The following TMEM170B variants were observed in gnomAD, a reference collection of about 807,000 sequenced individuals.
TMEM170B encodes the protein transmembrane protein 170B.
A neutral mutation model predicts 13.0 loss-of-function variants in TMEM170B; 6 were observed. The observed-to-expected ratio is 0.46, with a 90% confidence interval of 0.25 to 0.91. TMEM170B has a LOEUF of 0.91. Ranked by LOEUF, TMEM170B falls within the 40% of genes least tolerant of loss-of-function variation. The pLI is 0.17. For missense variants in TMEM170B, 138 were observed against 165.2 expected (o/e 0.84, Z 0.90); for synonymous variants, 61 against 64.9 (o/e 0.94, Z 0.29).
Position 11,538,370 on chromosome 6 carries a change from C to T in TMEM170B, c.93C>T (p.Leu31=), listed in dbSNP as rs755677185. The T allele has an allele frequency of 7.3e-6, 11 of 1,511,892 alleles. No individual in the cohort carries two copies. The South Asian group carries it at 1.4e-4, about 19-fold the overall frequency. The allele number at this position is 1,511,892 out of a possible 1,614,324, so 93.7% of individuals were successfully genotyped here. A position where few individuals can be genotyped will look rare whatever the true frequency, so the allele number is the denominator to read the frequency against. The change falls in exon 1 of 3, where the codon CTC becomes CTT. Residue 31 remains leucine, a synonymous_variant. Coordinates refer to ENST00000379426, the MANE Select transcript of TMEM170B (RefSeq NM_001100829.3). The part of the protein sequence containing the change: ...LWAHGTVLRN[L]TEMWYWIFLW... ...CCCACGGGACGGTGCTGAGGAACCTCACGGGTAATTGACGCGCCTGGGCTG... is the reference window on the plus strand; with the variant it reads ...CCCACGGGACGGTGCTGAGGAACCTTACGGGTAATTGACGCGCCTGGGCTG...
chr6:11,538,029 C>T lies in TMEM170B; in HGVS notation c.-249C>T, dbSNP rs1759303025. ...GCGAGGACGGCGCCCGGCCCCCTCC[C>T]CTCCTTCCTCCGTCCGCCGTCCTCA... On this transcript the variant is annotated 5_prime_UTR_variant, in exon 1 of 3. Transcript: ENST00000379426. 6.6e-6 allele frequency among the ~76,000 whole-genome samples: 1 copy of T among 151,190 alleles called. No homozygotes were observed. Among genetic ancestry groups the T allele is most frequent in the South Asian group, 2.1e-4 (1 of 4,822 alleles).
intron 1 of TMEM170B, among the ~76,000 whole-genome samples, chr6:11,538,625 A>C (rs1348381957): frequency 6.6e-6 from 1 of 151,996 alleles, no homozygotes; most frequent in African/African-American, 2.4e-5. Context: ...GCACGGGGAG[A>C]GCTCCCGGTG....
At chr6:11,553,852 C>A (rs895645624) in intron 1 of TMEM170B, among the ~76,000 whole-genome samples, 1 of 152,170 alleles carries the variant, frequency 6.6e-6, no homozygotes, top group African/African-American at 2.4e-5. Flanking sequence ...ACACCTCTGA[C>A]CTCTTAGACT....
intron 1 of TMEM170B, among the ~76,000 whole-genome samples, chr6:11,548,318 A>T (rs56132761): frequency 0.058 from 8,807 of 152,274 alleles, 273 homozygotes; most frequent in East Asian, 0.16. Context: ...AACAGACACA[A>T]GAAAAAATGC....
At position 11,538,959 on chromosome 6, in the gene TMEM170B, C is replaced by T. The variant is rs1029584429; in HGVS notation, c.97+585C>T. On this transcript the variant is annotated intron_variant, in intron 1 of 2. Coordinates refer to ENST00000379426, the MANE Select transcript of TMEM170B (RefSeq NM_001100829.3). ...CGTGTTAGCTTCATATATCTCCTTC[C>T]CCTCCCATTTCCTTTTGTCTGTCTG... 3.3e-5 allele frequency among the ~76,000 whole-genome samples: 5 copies of T among 152,152 alleles called. No individual in the cohort carries two copies. The South Asian group carries it at 8.3e-4, about 25-fold the overall frequency.
intron 1 of TMEM170B, among the ~76,000 whole-genome samples, chr6:11,548,245 C>A (rs1276254490): frequency 1.3e-5 from 2 of 152,020 alleles, no homozygotes; most frequent in African/African-American, 2.4e-5. Context: ...AAGAAAAAAA[C>A]CCATCAAAAA....
At chr6:11,568,961 A>G (rs1448912456) in intron 2 of TMEM170B, among the ~76,000 whole-genome samples, 6 of 152,170 alleles carry the variant, frequency 3.9e-5, no homozygotes, top group Non-Finnish European at 8.8e-5. Context: ...ACTGGTTTCT[A>G]TATAATGTCT....
At chr6:11,556,453 C>G (rs2113771266) in intron 1 of TMEM170B, among the ~76,000 whole-genome samples, 1 of 152,286 alleles carries the variant, frequency 6.6e-6, no homozygotes, top group South Asian at 2.1e-4. Context: ...AAAGGGGTCT[C>G]TCTCCACACA....
In TMEM170B at chr6:11,579,621, A is replaced by G. The variant is rs1178253964; in HGVS notation, c.*4060A>G. ...CACTTTTTCTTTTTAAAATCAGCAGATCTTTAAGAACCTTTTGTGAATTGG... is the reference window on the plus strand; with the variant it reads ...CACTTTTTCTTTTTAAAATCAGCAGGTCTTTAAGAACCTTTTGTGAATTGG... On this transcript the variant is annotated 3_prime_UTR_variant, in exon 3 of 3. Coordinates refer to ENST00000379426, the MANE Select transcript of TMEM170B (RefSeq NM_001100829.3). The G allele has an allele frequency of 1.3e-5, 2 of 152,124 alleles. No individual in the cohort carries two copies. Among genetic ancestry groups the G allele is most frequent in the African/African-American group, 2.4e-5 (1 of 41,410 alleles). The allele number at this position is 152,124 out of a possible 1,614,324, so 9.4% of individuals were successfully genotyped here.
At chr6:11,565,379 TA>T (rs924082155) in intron 1 of TMEM170B, among the ~76,000 whole-genome samples, 2 of 152,240 alleles carry the variant, frequency 1.3e-5, no homozygotes, top group African/African-American at 4.8e-5. Flanking sequence ...ATCAGGGGTT[TA>T]ATATAAAATT....
At chr6:11,549,727 A>G (rs2113766346) in intron 1 of TMEM170B, among the ~76,000 whole-genome samples, 1 of 152,280 alleles carries the variant, frequency 6.6e-6, no homozygotes, top group African/African-American at 2.4e-5. Flanking sequence ...ACTTTGGCTA[A>G]GTAGATTAAG....
At chr6:11,544,099 A>T (rs1759398713) in intron 1 of TMEM170B, among the ~76,000 whole-genome samples, 1 of 152,208 alleles carries the variant, frequency 6.6e-6, no homozygotes, top group Non-Finnish European at 1.5e-5. Context: ...CTGGAACCAG[A>T]GTTTCCTGGA....
At chr6:11,569,757 T>C (rs1690130108) in intron 2 of TMEM170B, among the ~76,000 whole-genome samples, 1 of 152,186 alleles carries the variant, frequency 6.6e-6, no homozygotes, top group African/African-American at 2.4e-5. Flanking sequence ...GTTTTTATCA[T>C]GCCAAACACT....
chr6:11,570,674 A>T (rs1363065871), intron 2 of TMEM170B, among the ~76,000 whole-genome samples: 2 of 152,188 alleles, frequency 1.3e-5, no homozygotes, highest in Admixed American at 1.3e-4. Context: ...ACTTTCAAGA[A>T]CAACTAGTTC....
Position 11,543,977 on chromosome 6 carries a change from C to T in TMEM170B, c.97+5603C>T, listed in dbSNP as rs76294309. Among the ~76,000 whole-genome samples, 611 of 152,192 alleles carry T rather than the reference C, an allele frequency of 4.0e-3. 5 individuals carry two copies. Among genetic ancestry groups the T allele is most frequent in the African/African-American group, 0.014 (583 of 41,518 alleles). On this transcript the variant is annotated intron_variant, in intron 1 of 2. Coordinates refer to ENST00000379426, the MANE Select transcript of TMEM170B (RefSeq NM_001100829.3). ...TCTTAAAAAGTAATAATGAGAACTACAAACATCTTAACATTTTACAGCCAG... is the reference window on the plus strand; with the variant it reads ...TCTTAAAAAGTAATAATGAGAACTATAAACATCTTAACATTTTACAGCCAG...
intron 1 of TMEM170B, among the ~76,000 whole-genome samples, chr6:11,564,916 GAGA>G (rs1344792635): frequency 6.6e-6 from 1 of 152,168 alleles, no homozygotes; most frequent in African/African-American, 2.4e-5. Flanking sequence ...TATGGTCAGG[GAGA>G]AGGAGTCAGT....
intron 1 of TMEM170B, among the ~76,000 whole-genome samples, chr6:11,560,285 C>T (rs1759645003): frequency 6.6e-6 from 1 of 151,730 alleles, no homozygotes; most frequent in Non-Finnish European, 1.5e-5. Context: ...CTGCCTCAGC[C>T]TTCCGACTAG....
intron 1 of TMEM170B, among the ~76,000 whole-genome samples, chr6:11,539,519 C>T (rs1759331137): frequency 6.6e-6 from 1 of 151,982 alleles, no homozygotes; most frequent in Middle Eastern, 3.2e-3. Context: ...GAATTATATA[C>T]CACAAAAGAC....
In TMEM170B at chr6:11,538,324, A is replaced by G. The variant is rs755329221; in HGVS notation, c.47A>G (p.Gln16Arg). The change falls in exon 1 of 3, where the codon CAG becomes CGG. Residue 16 changes from glutamine (Q) to arginine (R), a missense_variant. By Grantham distance (43) the Gln-to-Arg change is conservative. Transcript: ENST00000379426. ...GDHSMINLSV[Q>R]QVLSLWAHGT... ...CACTCCATGATCAACCTGTCGGTGCAGCAGGTCCTGAGCCTCTGGGCCCAC... is the reference window on the plus strand; with the variant it reads ...CACTCCATGATCAACCTGTCGGTGCGGCAGGTCCTGAGCCTCTGGGCCCAC... The G allele has an allele frequency of 6.7e-7, 1 of 1,502,072 alleles. No individual in the cohort carries two copies. Among genetic ancestry groups the G allele is most frequent in the Non-Finnish European group, 8.8e-7 (1 of 1,131,268 alleles). 93.0% of individuals were successfully genotyped at this position (1,502,072 alleles called of 1,614,324 possible).
Sources: gnomAD v4.1 joint callset for allele counts (sites outside exome capture counted in the v4.1 genomes callset) on GRCh38, gnomAD v4.1.1 for gene constraint, MANE v1.5 for transcripts, NCBI Gene and HGNC (gene_info 2026-07-23, HGNC 2026-07-21) for gene names.